PTBP2: variants seen among roughly 807,000 people sequenced by gnomAD.
PTBP2 encodes the protein polypyrimidine tract binding protein 2.
Under a neutral mutation model 61.4 loss-of-function variants are expected in PTBP2, and 13 were observed. The observed-to-expected ratio is 0.21, with a 90% CI of 0.14 to 0.34. PTBP2 has a LOEUF of 0.34. PTBP2 is among the 10% of genes least tolerant of loss of function. The probability of loss-of-function intolerance (pLI) is 1.00; values close to 1 mark genes in which losing one functional copy is unlikely to be tolerated. For synonymous variants in PTBP2, 215 were observed against 218.5 expected, an observed-to-expected ratio of 0.98 and a Z score of 0.14; for missense variants, 405 against 642.6, an observed-to-expected ratio of 0.63 and a Z score of 4.00.
At position 96,785,060 on chromosome 1, in the gene PTBP2, C is replaced by T; in HGVS notation, c.710C>T (p.Ala237Val). The change falls in exon 8 of 14, where the codon GCC becomes GTC. Residue 237 changes from alanine (A) to valine (V), a missense_variant and splice_region_variant. Physicochemically the swap from Ala to Val is moderately conservative, Grantham distance 64. Transcript: ENST00000674951. Reference sequence around the variant, plus strand: ...GATATGCTTTATTCACTTTTACAGGCCCTAGATGGTCAGAATATTTATAAT... The same window carrying T: ...GATATGCTTTATTCACTTTTACAGGTCCTAGATGGTCAGAATATTTATAAT... Reference protein sequence around the residue: ...DPVNAQQAKLALDGQNIYNAC... With the variant: ...DPVNAQQAKLVLDGQNIYNAC... 6.4e-7 allele frequency: 1 copy of T among 1,569,330 alleles called. No individual in the cohort carries two copies. The highest frequency in any genetic ancestry group is 8.6e-7 in the Non-Finnish European group (1 of 1,156,294).
At chr1:96,784,078 G>A (rs956031070) in intron 7 of PTBP2, among the ~76,000 whole-genome samples, 2 of 152,058 alleles carry the variant, frequency 1.3e-5, no homozygotes, top group Non-Finnish European at 2.9e-5. Context: ...AGCAACTGTA[G>A]AGGTTTACTT....
chr1:96,754,268 G>C (rs1654910574), intron 3 of PTBP2, among the ~76,000 whole-genome samples: 1 of 152,118 alleles, frequency 6.6e-6, no homozygotes, highest in Non-Finnish European at 1.5e-5. Context: ...GGAGTACTGG[G>C]AATGGTTAAT....
intron 8 of PTBP2, among the ~76,000 whole-genome samples, chr1:96,798,087 A>C (rs1461076683): frequency 6.6e-6 from 1 of 151,466 alleles, no homozygotes; most frequent in Non-Finnish European, 1.5e-5. Context: ...AAAAAAAAAA[A>C]AAAAAAATTA....
intron 8 of PTBP2, among the ~76,000 whole-genome samples, chr1:96,792,100 G>A (rs1389372384): frequency 1.3e-5 from 2 of 152,002 alleles, no homozygotes; most frequent in Admixed American, 1.3e-4. Context: ...GCCTCCCAAA[G>A]TGCTGGGATT....
At chr1:96,756,894 A>T (rs1051943825) in intron 3 of PTBP2, among the ~76,000 whole-genome samples, 2 of 152,202 alleles carry the variant, frequency 1.3e-5, no homozygotes, top group African/African-American at 4.8e-5. Context: ...ATAGAATGTA[A>T]GACACTTGGA....
chr1:96,757,589 G>A (rs1430316090), intron 3 of PTBP2, among the ~76,000 whole-genome samples: 1 of 152,126 alleles, frequency 6.6e-6, no homozygotes, highest in Non-Finnish European at 1.5e-5. Context: ...GTGCTATCAT[G>A]TTGGCTTAAC....
At chr1:96,782,093 A>G (rs990756052) in intron 7 of PTBP2, among the ~76,000 whole-genome samples, 2 of 152,040 alleles carry the variant, frequency 1.3e-5, no homozygotes, top group South Asian at 4.1e-4. Flanking sequence ...TCCTTACATT[A>G]TAACACACAT....
rs144437675 is a variant in PTBP2 at position 96,724,567 on chromosome 1, T to C, written c.39+973T>C. The stretch of plus-strand genomic sequence containing the variant: ...AGTGTGAGCCACCGTGCCCGGCCTG[T>C]ATTGTCATTTTTCATTTGCAAGCCT... On this transcript the variant is annotated intron_variant, in intron 2 of 13. Coordinates refer to ENST00000674951, the MANE Select transcript of PTBP2 (RefSeq NM_021190.4). Among the ~76,000 whole-genome samples the C allele has an allele frequency of 1.2e-3, 186 of 152,032 alleles. No homozygotes were observed. In the Middle Eastern group the frequency reaches 0.014, roughly 11 times the overall value.
In PTBP2 at chr1:96,754,360, TGG is replaced by T. The variant is rs1654920501; in HGVS notation, c.115+2863_115+2864del. ...TTATGTAAACAACAACTTTGTATTA[TGG>T]GGTTTATTATGTAAATGGATGTTTA... is the stretch of plus-strand genomic sequence containing the variant. On this transcript the variant is annotated intron_variant, in intron 3 of 13. Transcript: ENST00000674951. Among the ~76,000 whole-genome samples the T allele has an allele frequency of 2.0e-5, 3 of 152,278 alleles. No individual in the cohort carries two copies. In the South Asian group the frequency reaches 6.2e-4, roughly 32 times the overall value.
rs572129812 is a variant in PTBP2 at position 96,725,854 on chromosome 1, C to T, written c.39+2260C>T. Among the ~76,000 whole-genome samples, 107 of 151,548 alleles carry T rather than the reference C, an allele frequency of 7.1e-4. No individual in the cohort carries two copies. In the Middle Eastern group the frequency reaches 0.01, roughly 14 times the overall value. Reference sequence around the variant, plus strand: ...CAGCACTTTGGGAGGCCGAGGCGGGCGGATCACGAGTTCAGGAGAGACCAT... The same window carrying T: ...CAGCACTTTGGGAGGCCGAGGCGGGTGGATCACGAGTTCAGGAGAGACCAT... On this transcript the variant is annotated intron_variant, in intron 2 of 13. Coordinates refer to ENST00000674951, the MANE Select transcript of PTBP2 (RefSeq NM_021190.4).
intron 8 of PTBP2, among the ~76,000 whole-genome samples, chr1:96,801,278 A>T (rs1007201508): frequency 1.3e-5 from 2 of 152,154 alleles, no homozygotes; most frequent in African/African-American, 4.8e-5. Flanking sequence ...TGTGTCATAT[A>T]TTACAGCATT....
chr1:96,777,187 C>T (rs1001890257), intron 5 of PTBP2, among the ~76,000 whole-genome samples: 1 of 152,030 alleles, frequency 6.6e-6, no homozygotes, highest in Non-Finnish European at 1.5e-5. Context: ...AATTCAGTAA[C>T]CCCCTTGTTG....
chr1:96,786,778 A>G (rs1345641038), intron 8 of PTBP2, among the ~76,000 whole-genome samples: 1 of 152,194 alleles, frequency 6.6e-6, no homozygotes, highest in South Asian at 2.1e-4. Flanking sequence ...AAGATAAAAT[A>G]CCAAGAAACT....
Position 96,751,652 on chromosome 1 carries a change from C to T in PTBP2, c.115+152C>T, listed in dbSNP as rs553602791. ...AAATTTTACTAAAGTATATATGAGC[C>T]GAGTGGAAAAAAAAAAAAAACCTGA... On this transcript the variant is annotated intron_variant, in intron 3 of 13. Transcript: ENST00000674951. The T allele has an allele frequency of 1.4e-4, 61 of 435,084 alleles. No homozygotes were observed. The Middle Eastern group carries it at 1.9e-3, about 13-fold the overall frequency. 27.0% of individuals were successfully genotyped at this position (435,084 alleles called of 1,614,324 possible).
chr1:96,812,226 G>A (rs1238273778), intron 11 of PTBP2, among the ~76,000 whole-genome samples: 1 of 152,206 alleles, frequency 6.6e-6, no homozygotes, highest in African/African-American at 2.4e-5. Context: ...TCAAGCTGCT[G>A]TATAGAAAAT....
At chr1:96,729,732 A>ATTTTTT (rs748378072) in intron 2 of PTBP2, among the ~76,000 whole-genome samples, 3 of 110,448 alleles carry the variant, frequency 2.7e-5, no homozygotes, top group Admixed American at 9.3e-5. Context: ...TGATACTACT[A>ATTTTTT]TTTTTTTTTT....
At chr1:96,818,182 A>T (rs1011664080), downstream of PTBP2, 1 of 152,136 alleles carries the variant, frequency 6.6e-6, no homozygotes. Flanking sequence ...TTCAATGGAC[A>T]GAAAGACTAT....
At chr1:96,791,835 T>TTTTTTTTG (rs1557759215) in intron 8 of PTBP2, among the ~76,000 whole-genome samples, 10 of 30,514 alleles carry the variant, frequency 3.3e-4, no homozygotes, top group East Asian at 3.0e-3. Context: ...GCTTTTTTTT[T>TTTTTTTTG]TTTTTTTTTT....
At chr1:96,726,595 G>A (rs1272713751) in intron 2 of PTBP2, among the ~76,000 whole-genome samples, 1 of 152,026 alleles carries the variant, frequency 6.6e-6, no homozygotes, top group African/African-American at 2.4e-5. Flanking sequence ...CTGCCACCAC[G>A]CCTGGCTTCT....
Sources: gnomAD v4.1 joint callset for allele counts (sites outside exome capture counted in the v4.1 genomes callset) on GRCh38, gnomAD v4.1.1 for gene constraint, MANE v1.5 for transcripts, NCBI Gene and HGNC (gene_info 2026-07-23, HGNC 2026-07-21) for gene names.